DSC3: variants seen among roughly 807,000 people sequenced by gnomAD.
The protein encoded by DSC3 is desmocollin 3.
DSC3 carries 97 observed loss-of-function variants against 89.5 expected under a neutral mutation model. That is an observed-to-expected ratio of 1.08 (90% CI 0.92 to 1.28). The LOEUF (loss-of-function observed/expected upper bound fraction) is 1.28. Ranked by LOEUF, DSC3 falls within the 50% of genes most tolerant of loss-of-function variation. The pLI is 0.00. For missense variants in DSC3, 1,199 were observed against 1,085.3 expected, an observed-to-expected ratio of 1.10 and a Z score of -1.47; for synonymous variants, 436 against 384.1, an observed-to-expected ratio of 1.14 and a Z score of -1.58.
At chr18:31,029,110 C>G (rs1985694255) in intron 4 of DSC3, among the ~76,000 whole-genome samples, 1 of 152,176 alleles carries the variant, frequency 6.6e-6, no homozygotes, top group Non-Finnish European at 1.5e-5. Context: ...CACCCAACAT[C>G]TCTATACTAG....
chr18:31,042,446 G>T, intron 1 of DSC3, 146 bp downstream of exon 1: 1 of 816,580 alleles, frequency 1.2e-6, no homozygotes. Flanking sequence ...CTGCAGGCCC[G>T]AACTTGGGGC....
At chr18:30,999,329 C>T (rs560960227) in intron 14 of DSC3, among the ~76,000 whole-genome samples, 2 of 151,900 alleles carry the variant, frequency 1.3e-5, no homozygotes, top group African/African-American at 2.4e-5. Context: ...TACTTACTGT[C>T]GCATTGCCTT....
intron 9 of DSC3, among the ~76,000 whole-genome samples, chr18:31,009,019 T>C (rs1360252086): frequency 6.6e-6 from 1 of 152,142 alleles, no homozygotes; most frequent in Non-Finnish European, 1.5e-5. Context: ...TTCTGTCTCA[T>C]AGAAAAGATA....
chr18:31,006,690 T>G (rs1331575606), intron 12 of DSC3, among the ~76,000 whole-genome samples: 1 of 152,222 alleles, frequency 6.6e-6, no homozygotes, highest in Non-Finnish European at 1.5e-5. Context: ...TTTCCTTTGT[T>G]GTAAATGTAA....
chr18:31,009,513 G>A lies in DSC3; in HGVS notation c.1264-988C>T, dbSNP rs543781178. 5.9e-5 allele frequency among the ~76,000 whole-genome samples: 9 copies of A among 152,182 alleles called. No homozygotes were observed. The East Asian group carries it at 1.7e-3, about 29-fold the overall frequency. On this transcript the variant is annotated intron_variant, in intron 9 of 15. Transcript: ENST00000360428. ...TGAGTTAAAACCTTTATCCATCCAT[G>A]CCCACTACCTGTTTTTATGAAAATT... is the stretch of plus-strand genomic sequence containing the variant.
intron 1 of DSC3, among the ~76,000 whole-genome samples, chr18:31,038,473 T>G (rs143788946): frequency 6.6e-6 from 1 of 152,310 alleles, no homozygotes; most frequent in African/African-American, 2.4e-5. Flanking sequence ...TATTTTCAAG[T>G]TAATTGGAAT....
chr18:31,028,946 C>A (rs1985688922), intron 4 of DSC3, among the ~76,000 whole-genome samples: 1 of 152,108 alleles, frequency 6.6e-6, no homozygotes, highest in Non-Finnish European at 1.5e-5. Flanking sequence ...AAGGAGCTCT[C>A]ACTTCTGTAC....
intron 14 of DSC3, among the ~76,000 whole-genome samples, chr18:30,997,782 G>A (rs894705849): frequency 2.6e-5 from 4 of 151,996 alleles, no homozygotes; most frequent in African/African-American, 9.7e-5. Context: ...ATCCAAACAG[G>A]GTAGGTGGAA....
At chr18:31,029,470 G>T (rs753628214) in intron 4 of DSC3, 39 bp downstream of exon 4, 2 of 1,612,210 alleles carry the variant, frequency 1.2e-6, no homozygotes. Context: ...CAGACTCTTA[G>T]AATTAAAGCA....
chr18:31,042,073 T>A (rs1986151368), intron 1 of DSC3, among the ~76,000 whole-genome samples: 1 of 152,002 alleles, frequency 6.6e-6, no homozygotes. Flanking sequence ...AACCCACTTC[T>A]CAGGGGCAGC....
rs186551460 is a variant in DSC3, at chr18:31,018,563, C to T, written c.1077+103G>A. On this transcript the variant is annotated intron_variant, in intron 8 of 15. Coordinates refer to ENST00000360428, the MANE Select transcript of DSC3 (RefSeq NM_001941.5). ...TAATTTTATTCATAAAATACGTATA[C>T]GTCAAAGTATGATACTTCATGAAGT... 454 of 1,278,212 alleles carry T rather than the reference C, an allele frequency of 3.6e-4. 5 individuals are homozygous for T. In the East Asian group the frequency reaches 6.3e-3, roughly 18 times the overall value. The allele number at this position is 1,278,212 out of a possible 1,614,324, so 79.2% of individuals were successfully genotyped here.
intron 12 of DSC3, among the ~76,000 whole-genome samples, chr18:31,006,205 G>T (rs763674543): frequency 3.4e-4 from 52 of 151,998 alleles, no homozygotes; most frequent in East Asian, 3.9e-4. Flanking sequence ...TAGAGTGCTT[G>T]GTCTATACAC....
rs1018408685 is a variant in DSC3 at position 31,015,203 on chromosome 18, G to T, written c.1263+2868C>A. ...ATATAAATGTATTGGGGAAATTTTT[G>T]ATACACTCCAGATGTGAAATTAAGT... On this transcript the variant is annotated intron_variant, in intron 9 of 15. Coordinates refer to ENST00000360428, the MANE Select transcript of DSC3 (RefSeq NM_001941.5). Among the ~76,000 whole-genome samples the T allele has an allele frequency of 1.4e-4, 22 of 152,010 alleles. 2 individuals are homozygous for T. The highest frequency in any genetic ancestry group is 1.0e-4 in the Non-Finnish European group (7 of 68,010).
intron 1 of DSC3, among the ~76,000 whole-genome samples, chr18:31,032,870 A>G (rs1186121825): frequency 1.3e-5 from 2 of 152,122 alleles, no homozygotes; most frequent in Non-Finnish European, 2.9e-5. Flanking sequence ...AAGGCATCCA[A>G]ATTGGAAAGG....
intron 3 of DSC3, 86 bp downstream of exon 3, chr18:31,030,887 C>T (rs1598550453): frequency 8.3e-7 from 1 of 1,210,266 alleles, no homozygotes; most frequent in Non-Finnish European, 1.2e-6. Flanking sequence ...GGAAAATACC[C>T]TATTTATCCT....
At chr18:31,027,789 T>C (rs986108818) in intron 4 of DSC3, among the ~76,000 whole-genome samples, 2 of 152,110 alleles carry the variant, frequency 1.3e-5, no homozygotes, top group Non-Finnish European at 2.9e-5. Flanking sequence ...CAACCTAAAA[T>C]TTGTTTCTTC....
chr18:31,005,651 C>G (rs1984813175), intron 12 of DSC3, among the ~76,000 whole-genome samples: 1 of 152,154 alleles, frequency 6.6e-6, no homozygotes, highest in Non-Finnish European at 1.5e-5. Flanking sequence ...ATTGAACAAG[C>G]AAACATTTAT....
At chr18:31,041,117 CG>C (rs1986116234) in intron 1 of DSC3, among the ~76,000 whole-genome samples, 2 of 152,128 alleles carry the variant, frequency 1.3e-5, no homozygotes, top group South Asian at 4.1e-4. Context: ...CATGCCTTGC[CG>C]GGAAAGCTCC....
intron 1 of DSC3, among the ~76,000 whole-genome samples, chr18:31,037,681 C>T (rs1171475274): frequency 6.6e-6 from 1 of 152,174 alleles, no homozygotes; most frequent in Non-Finnish European, 1.5e-5. Context: ...GCAGGCGGAT[C>T]ATGAGGTCAG....
Sources: allele counts gnomAD v4.1 joint callset (sites outside exome capture counted in the v4.1 genomes callset), GRCh38; gene constraint gnomAD v4.1.1; transcripts MANE v1.5; gene names NCBI Gene and HGNC (gene_info 2026-07-23, HGNC 2026-07-21).